The following TTC19 variants were observed in gnomAD, a reference collection of about 807,000 sequenced individuals.
TTC19 encodes tetratricopeptide repeat protein 19, mitochondrial.
Under a neutral mutation model 49.5 loss-of-function variants are expected in TTC19, and 38 were observed. The observed-to-expected ratio is 0.77, with a 90% CI of 0.59 to 1.01. The LOEUF (loss-of-function observed/expected upper bound fraction) is 1.01. TTC19 is among the 50% of genes least tolerant of loss of function. TTC19 has a pLI of 0.00. For synonymous variants in TTC19, 204 were observed against 185.2 expected (o/e 1.10, Z -0.83); for missense variants, 475 against 477.7 (o/e 0.99, Z 0.05).
At chr17:16,042,037 ATG>A (rs1285217092) in intron 2 of TTC19, among the ~76,000 whole-genome samples, 19 of 152,254 alleles carry the variant, frequency 1.2e-4, no homozygotes, top group African/African-American at 4.3e-4. Context: ...CCCGGCCAGA[ATG>A]TGAAATTTCT....
chr17:16,001,911 TC>T lies in TTC19; in HGVS notation c.313-3del. 6.2e-7 allele frequency: 1 copy of T among 1,604,504 alleles called. No individual in the cohort carries two copies. Among genetic ancestry groups the T allele is most frequent in the Non-Finnish European group, 8.5e-7 (1 of 1,172,052 alleles). Reference sequence around the variant, plus strand: ...TTTTCTATTATTTTGTCTTCCCTTTTCAGTTGAGCATTATGAAAGATGAGCC... The same window carrying T: ...TTTTCTATTATTTTGTCTTCCCTTTTAGTTGAGCATTATGAAAGATGAGCC... On this transcript the variant is annotated splice_region_variant and splice_polypyrimidine_tract_variant and intron_variant, in intron 2 of 9. Coordinates refer to ENST00000261647, the MANE Select transcript of TTC19 (RefSeq NM_017775.4).
rs149178668 is a variant in TTC19 at position 16,026,604 on chromosome 17, A to G, written c.896A>G (p.Tyr299Cys). 18 of 1,614,172 alleles carry G rather than the reference A, an allele frequency of 1.1e-5. No individual in the cohort carries two copies. The African/African-American group carries it at 2.3e-4, about 20-fold the overall frequency. The change falls in exon 9 of 10, where the codon TAT becomes TGT. Residue 299 changes from tyrosine to cysteine, a missense_variant. Physicochemically the swap from Tyr to Cys is radical, Grantham distance 194 (BLOSUM62 -2). Coordinates refer to ENST00000261647, the MANE Select transcript of TTC19 (RefSeq NM_017775.4). The part of the protein sequence containing the change: ...LDAQGRFDEA[Y>C]IYMQRASDLA... ...GCACAGGGCCGCTTTGATGAGGCCTATATTTATATGCAAAGGGCATCAGAT... is the reference window on the plus strand; with the variant it reads ...GCACAGGGCCGCTTTGATGAGGCCTGTATTTATATGCAAAGGGCATCAGAT...
At position 16,013,422 on chromosome 17, in the gene TTC19, T is replaced by C. The variant is rs539853645; in HGVS notation, c.676+6854T>C. Reference sequence around the variant, plus strand: ...AAGTCCTTGCTCTTCTGGAGCTTAATGCTTAGAGAGATATTTTTCAAGCTT... The same window carrying C: ...AAGTCCTTGCTCTTCTGGAGCTTAACGCTTAGAGAGATATTTTTCAAGCTT... On this transcript the variant is annotated intron_variant, in intron 7 of 9. Transcript: ENST00000261647. Among the ~76,000 whole-genome samples, 68 of 152,356 alleles carry C rather than the reference T, an allele frequency of 4.5e-4. 1 individual carries two copies. The South Asian group carries it at 0.013, about 30-fold the overall frequency.
intron 2 of TTC19, chr17:16,040,010 G>C: frequency 2.6e-6 from 1 of 390,504 alleles, no homozygotes; most frequent in South Asian, 2.1e-5. Context: ...GGCTGATCTC[G>C]AATTCCGAAC....
chr17:16,033,402 G>C (rs573634240), downstream of TTC19, among the ~76,000 whole-genome samples: 1 of 149,754 alleles, frequency 6.7e-6, no homozygotes, highest in South Asian at 2.1e-4. Context: ...TAAATCTCAT[G>C]TATGGCCTAA....
chr17:16,019,757 G>C (rs1169594142), intron 7 of TTC19, among the ~76,000 whole-genome samples: 1 of 152,110 alleles, frequency 6.6e-6, no homozygotes, highest in African/African-American at 2.4e-5. Flanking sequence ...ATACTTCACT[G>C]AACATTCTTG....
At chr17:16,032,417 A>G (rs752976899), downstream of TTC19, 82 of 1,613,934 alleles carry the variant, frequency 5.1e-5, no homozygotes, top group East Asian at 6.7e-5. Flanking sequence ...AGCACATGCA[A>G]TCGGTGTTGG....
intron 2 of TTC19, chr17:16,039,829 C>T (rs763783073): frequency 1.1e-5 from 7 of 611,942 alleles, no homozygotes; most frequent in Non-Finnish European, 2.0e-5. Flanking sequence ...CTCTCTGTCG[C>T]ACCCAGGCTG....
intron 7 of TTC19, among the ~76,000 whole-genome samples, chr17:16,018,427 A>G (rs1971277614): frequency 6.6e-6 from 1 of 152,118 alleles, no homozygotes; most frequent in Admixed American, 6.5e-5. Flanking sequence ...TTTCTCATGT[A>G]TATTTTGGGA....
At chr17:16,002,535 A>C in intron 3 of TTC19, 1 of 514,688 alleles carries the variant, frequency 1.9e-6, no homozygotes, top group East Asian at 3.6e-5. Flanking sequence ...CAGACCAAAA[A>C]AAACCAGTAT....
intron 7 of TTC19, chr17:16,023,738 A>G (rs778697173): frequency 6.6e-6 from 1 of 152,088 alleles, no homozygotes; most frequent in Non-Finnish European, 1.5e-5. Context: ...GATTTGCTCC[A>G]GCCTCAAAGA....
At position 16,005,734 on chromosome 17, in the gene TTC19, TATAAA is replaced by T. The variant is rs1009384780; in HGVS notation, c.582-737_582-733del. Among the ~76,000 whole-genome samples the T allele has an allele frequency of 2.6e-5, 4 of 152,132 alleles. No homozygotes were observed. The South Asian group carries it at 8.3e-4, about 31-fold the overall frequency. ...TCAGAGACTTATAGCTTGAAAGAAA[TATAAA>T]ATGACTAAAGCTCCTCAGAAGCTGT... is the stretch of plus-strand genomic sequence containing the variant. On this transcript the variant is annotated intron_variant, in intron 6 of 9. Coordinates refer to ENST00000261647, the MANE Select transcript of TTC19 (RefSeq NM_017775.4).
Position 16,001,972 on chromosome 17 carries a change from C to T in TTC19, c.370C>T (p.Arg124Cys), listed in dbSNP as rs749090956. 1.4e-5 allele frequency: 22 copies of T among 1,613,282 alleles called. No homozygotes were observed. Among genetic ancestry groups the T allele is most frequent in the African/African-American group, 4.0e-5 (3 of 74,930 alleles). Residue 124 changes from arginine to cysteine, a missense_variant, in exon 3 of 10, where the codon CGT (arginine) becomes TGT (cysteine). By Grantham distance (180) the Arg-to-Cys change is radical. Coordinates refer to ENST00000261647, the MANE Select transcript of TTC19 (RefSeq NM_017775.4). ...TGAGTTAATTTTGCATGACGCTCTT[C>T]GTCTCGCCTATCAGACTGATAACAA... ...EAELILHDAL[R>C]LAYQTDNKKA...
At chr17:16,030,645 G>C (rs1971834346), downstream of TTC19, 1 of 181,156 alleles carries the variant, frequency 5.5e-6, no homozygotes, top group African/African-American at 2.4e-5. Flanking sequence ...CTGATCTAAA[G>C]TTTATGTTGG....
chr17:16,029,373 TAAAATCGTGTCATTAA>T lies in TTC19; in HGVS notation c.*1854_*1869del, dbSNP rs1446436979. The T allele has an allele frequency of 2.9e-6, 1 of 350,210 alleles. No homozygotes were observed. 21.7% of individuals were successfully genotyped at this position (350,210 alleles called of 1,614,324 possible). On this transcript the variant is annotated 3_prime_UTR_variant, in exon 10 of 10. Transcript: ENST00000261647. ...GGTCTAAATTCAAAAGTGAATTGGT[TAAAATCGTGTCATTAA>T]AATTTTTTAACTGTCCAATGGTCAC... is the stretch of plus-strand genomic sequence containing the variant.
chr17:16,002,890 T>A, intron 4 of TTC19, 59 bp downstream of exon 4: 1 of 1,497,452 alleles, frequency 6.7e-7, no homozygotes. Context: ...AAGGGAACTG[T>A]AATAGTAAGA....
At chr17:16,036,709 CCT>C (rs2056456199) in intron 2 of TTC19, among the ~76,000 whole-genome samples, 1 of 152,168 alleles carries the variant, frequency 6.6e-6, no homozygotes, top group African/African-American at 2.4e-5. Context: ...GGCTTCCTCG[CCT>C]CTCTGAGCCT....
At chr17:16,023,799 T>C (rs1028878234) in intron 7 of TTC19, 1 of 152,240 alleles carries the variant, frequency 6.6e-6, no homozygotes, top group Non-Finnish European at 1.5e-5. Flanking sequence ...CTGCACTTTT[T>C]TTCTAAATGG....
chr17:16,037,111 G>A (rs556790057), intron 2 of TTC19, among the ~76,000 whole-genome samples: 16 of 152,302 alleles, frequency 1.1e-4, no homozygotes, highest in Non-Finnish European at 2.4e-4. Context: ...GTGTGTCAGG[G>A]AATAAGGGAG....
Sources: allele counts gnomAD v4.1 joint callset (sites outside exome capture counted in the v4.1 genomes callset), GRCh38; gene constraint gnomAD v4.1.1; transcripts MANE v1.5; gene names NCBI Gene and HGNC (gene_info 2026-07-23, HGNC 2026-07-21).